Variants in GOLM2 observed in about 807,000 individuals in gnomAD.
GOLM2 encodes the protein golgi membrane protein 2.
In GOLM2, 26 loss-of-function variants were observed where a neutral mutation model predicts 55.9. The observed-to-expected ratio is 0.47, with a 90% CI of 0.34 to 0.65. The LOEUF (loss-of-function observed/expected upper bound fraction) is 0.65. GOLM2 is among the 30% of genes least tolerant of loss of function. The probability of loss-of-function intolerance (pLI) is 0.01; values close to 1 mark genes in which losing one functional copy is unlikely to be tolerated. For missense variants in GOLM2, 486 were observed against 531.8 expected (o/e 0.91, Z 0.85); for synonymous variants, 165 against 194.6 (o/e 0.85, Z 1.27).
In GOLM2 at chr15:44,328,804, A is replaced by C. The variant is rs375906908; in HGVS notation, c.485+17A>C. The C allele has an allele frequency of 6.7e-7, 1 of 1,485,608 alleles. No homozygotes were observed. Among genetic ancestry groups the C allele is most frequent in the Non-Finnish European group, 9.2e-7 (1 of 1,085,872 alleles). 92.0% of individuals were successfully genotyped at this position (1,485,608 alleles called of 1,614,324 possible). A position where few individuals can be genotyped will look rare whatever the true frequency, so the allele number is the denominator to read the frequency against. ...ATATGAAAGGTAAGATGTTACATGC[A>C]ACATATGTTTATGAATCTAAAATAT... On this transcript the variant is annotated intron_variant, in intron 3 of 9. Coordinates refer to ENST00000299957, the MANE Select transcript of GOLM2 (RefSeq NM_138423.4).
intron 6 of GOLM2, among the ~76,000 whole-genome samples, chr15:44,350,891 T>C (rs573286779): frequency 2.6e-5 from 4 of 152,318 alleles, no homozygotes; most frequent in East Asian, 3.9e-4. Flanking sequence ...GTCATTTCAA[T>C]TGATGCTGAG....
In GOLM2 at chr15:44,361,354, TA is replaced by T. The variant is rs527595276; in HGVS notation, c.803-18333del. 7.4e-4 allele frequency among the ~76,000 whole-genome samples: 112 copies of T among 151,240 alleles called. 3 individuals carry two copies. The South Asian group carries it at 0.023, about 31-fold the overall frequency. ...ATCAAATAGATGCAATAAAAAATGA[TA>T]AAGGGGATATCACCACCGATCCCAC... On this transcript the variant is annotated intron_variant, in intron 6 of 9. Transcript: ENST00000299957.
At chr15:44,391,122 A>G (rs1201192772) in intron 8 of GOLM2, among the ~76,000 whole-genome samples, 1 of 152,160 alleles carries the variant, frequency 6.6e-6, no homozygotes, top group African/African-American at 2.4e-5. Flanking sequence ...CTCAAAAGAG[A>G]CTGGTAAAAG....
chr15:44,391,324 C>T (rs549029125), intron 8 of GOLM2, among the ~76,000 whole-genome samples: 37 of 151,908 alleles, frequency 2.4e-4, no homozygotes, highest in Middle Eastern at 6.8e-3. Flanking sequence ...ACCATCCTGG[C>T]TAACACGGTG....
intron 6 of GOLM2, among the ~76,000 whole-genome samples, chr15:44,345,231 T>C (rs2079115996): frequency 6.6e-6 from 1 of 151,644 alleles, no homozygotes; most frequent in Non-Finnish European, 1.5e-5. Context: ...TGCCTCAGCC[T>C]CCTGAGTAGC....
intron 6 of GOLM2, among the ~76,000 whole-genome samples, chr15:44,368,602 ACTTTCAATTCCAGAAT>A (rs2079302469): frequency 1.3e-5 from 2 of 151,890 alleles, no homozygotes; most frequent in Non-Finnish European, 2.9e-5. Flanking sequence ...TAGATGTCGT[ACTTTCAATTCCAGAAT>A]TTCCATTTGG....
intron 8 of GOLM2, among the ~76,000 whole-genome samples, chr15:44,388,870 C>G (rs2079467713): frequency 6.6e-6 from 1 of 151,650 alleles, no homozygotes; most frequent in Admixed American, 6.6e-5. Flanking sequence ...TGCTGGAGTG[C>G]AGTGGCGTGA....
rs1334906916 is a variant in GOLM2, at chr15:44,415,674, C to T, written c.*2268C>T. 1 of 152,352 alleles carries T rather than the reference C, an allele frequency of 6.6e-6. No homozygotes were observed. Among genetic ancestry groups the T allele is most frequent in the South Asian group, 2.1e-4 (1 of 4,826 alleles). 9.4% of individuals were successfully genotyped at this position (152,352 alleles called of 1,614,324 possible). On this transcript the variant is annotated 3_prime_UTR_variant, in exon 10 of 10. Transcript: ENST00000299957. ...TTTAGGTTTTTTAAATGTATTTTTG[C>T]CCTGAATTAAGTGTTAATTTGATGG...
intron 4 of GOLM2, among the ~76,000 whole-genome samples, chr15:44,335,787 G>C (rs942531865): frequency 7.0e-6 from 1 of 143,844 alleles, no homozygotes; most frequent in Non-Finnish European, 1.5e-5. Flanking sequence ...CAATTCTCTA[G>C]TTTTGTGACT....
At chr15:44,342,933 A>T (rs1678781281) in intron 6 of GOLM2, among the ~76,000 whole-genome samples, 1 of 152,224 alleles carries the variant, frequency 6.6e-6, no homozygotes. Flanking sequence ...TTTTGCCCTT[A>T]TATGTAAAAT....
At chr15:44,296,564 T>C (rs1199164065) in intron 1 of GOLM2, among the ~76,000 whole-genome samples, 1 of 152,216 alleles carries the variant, frequency 6.6e-6, no homozygotes, top group African/African-American at 2.4e-5. Context: ...TAGTCTCTCT[T>C]ATTCTTGAGA....
chr15:44,290,853 G>A (rs1284494825), intron 1 of GOLM2, among the ~76,000 whole-genome samples: 3 of 152,184 alleles, frequency 2.0e-5, no homozygotes, highest in African/African-American at 7.2e-5. Context: ...CCAGGCAGGA[G>A]TGCAATGGCG....
Position 44,331,989 on chromosome 15 carries a change from T to A in GOLM2, c.487T>A (p.Phe163Ile). Residue 163 changes from phenylalanine (F) to isoleucine (I), a missense_variant and splice_region_variant, in exon 4 of 10, where the codon TTT becomes ATT. Phe to Ile is a conservative substitution (Grantham distance 21). Coordinates refer to ENST00000299957, the MANE Select transcript of GOLM2 (RefSeq NM_138423.4). ...YLVKRLEYES[F>I]QCGQQMKELR... is the part of the protein sequence containing the mutation. Reference sequence around the variant, plus strand: ...TAAAAGAATGACTTTGTAATTTAGTTTTCAGTGTGGACAGCAGATGAAGGA... The same window carrying A: ...TAAAAGAATGACTTTGTAATTTAGTATTCAGTGTGGACAGCAGATGAAGGA... 1 of 1,596,480 alleles carries A rather than the reference T, an allele frequency of 6.3e-7. No homozygotes were observed. The highest frequency in any genetic ancestry group is 8.6e-7 in the Non-Finnish European group (1 of 1,166,886).
At chr15:44,350,907 A>G (rs1198226645) in intron 6 of GOLM2, among the ~76,000 whole-genome samples, 1 of 152,204 alleles carries the variant, frequency 6.6e-6, no homozygotes, top group African/African-American at 2.4e-5. Context: ...CTGAGAAAGC[A>G]TCTGATAAAA....
intron 6 of GOLM2, among the ~76,000 whole-genome samples, chr15:44,340,984 A>G (rs188083118): frequency 7.4e-4 from 113 of 152,206 alleles, no homozygotes; most frequent in African/African-American, 2.6e-3. Flanking sequence ...ACCTGCATAC[A>G]TTAATTTTTC....
chr15:44,331,489 C>T (rs955532371), intron 3 of GOLM2, among the ~76,000 whole-genome samples: 4 of 152,188 alleles, frequency 2.6e-5, no homozygotes, highest in African/African-American at 4.8e-5. Context: ...CCTGATGGCA[C>T]CAGTCTATCT....
At chr15:44,393,351 TA>T (rs1476015827) in intron 8 of GOLM2, among the ~76,000 whole-genome samples, 1 of 152,176 alleles carries the variant, frequency 6.6e-6, no homozygotes, top group African/African-American at 2.4e-5. Flanking sequence ...AGAAATTAAT[TA>T]ATATATAAAT....
chr15:44,335,752 G>A (rs571200300), intron 4 of GOLM2, among the ~76,000 whole-genome samples: 1 of 151,364 alleles, frequency 6.6e-6, no homozygotes, highest in South Asian at 2.1e-4. Context: ...GAGTCAGAAA[G>A]ACTGTGGTTA....
chr15:44,356,366 A>C (rs984303831), intron 6 of GOLM2, among the ~76,000 whole-genome samples: 1 of 152,204 alleles, frequency 6.6e-6, no homozygotes, highest in African/African-American at 2.4e-5. Flanking sequence ...GAGAGGACAC[A>C]GATTACTTCT....
Sources: gnomAD v4.1 joint callset for allele counts (sites outside exome capture counted in the v4.1 genomes callset) on GRCh38, gnomAD v4.1.1 for gene constraint, MANE v1.5 for transcripts, NCBI Gene and HGNC (gene_info 2026-07-23, HGNC 2026-07-21) for gene names.